Variants in E2F3 observed in about 807,000 individuals in gnomAD.
E2F3 encodes the protein transcription factor E2F3.
E2F3 carries 11 observed loss-of-function variants against 44.4 expected under a neutral mutation model. The ratio of observed to expected loss-of-function variants is 0.25; its 90% CI spans 0.16 to 0.41. E2F3 has a LOEUF of 0.41. E2F3 is among the 10% of genes least tolerant of loss of function. E2F3 has a pLI of 1.00. For synonymous variants in E2F3, 249 were observed against 253.0 expected (o/e 0.98, Z 0.15); for missense variants, 487 against 583.6 (o/e 0.83, Z 1.70).
intron 4 of E2F3, among the ~76,000 whole-genome samples, chr6:20,484,173 G>A (rs1009247098): frequency 6.6e-6 from 1 of 152,196 alleles, no homozygotes; most frequent in Non-Finnish European, 1.5e-5. Flanking sequence ...ACCTATATTA[G>A]CTCTCTCTGG....
chr6:20,481,072 C>G (rs1054471144), intron 2 of E2F3, 134 bp from the exon 3 acceptor site: 7 of 782,658 alleles, frequency 8.9e-6, no homozygotes, highest in Non-Finnish European at 1.4e-5. Context: ...ACACCAACAG[C>G]AACGACAGCC....
chr6:20,403,802 G>T, intron 1 of E2F3: 1 of 1,498,076 alleles, frequency 6.7e-7, no homozygotes, highest in African/African-American at 1.4e-5. Context: ...CCGGAGCCAG[G>T]CTGGTTTCGG....
At chr6:20,462,880 T>C (rs1761568810) in intron 1 of E2F3, among the ~76,000 whole-genome samples, 2 of 112,494 alleles carry the variant, frequency 1.8e-5, no homozygotes, top group East Asian at 2.5e-4. Context: ...TTTTTTTTTT[T>C]TTTTTTTTTT....
intron 1 of E2F3, among the ~76,000 whole-genome samples, chr6:20,431,385 GC>G (rs1364871157): frequency 6.6e-6 from 1 of 152,134 alleles, no homozygotes; most frequent in Non-Finnish European, 1.5e-5. Flanking sequence ...GCATCCCATG[GC>G]CCAGTGTCCC....
chr6:20,471,356 GT>G lies in E2F3; in HGVS notation c.394-8489del, dbSNP rs552326660. On this transcript the variant is annotated intron_variant, in intron 1 of 6. Transcript: ENST00000346618. ...CCAGCACTTTGGGAGGCCGAAGCGG[GT>G]GCATCACCTGAGGTCAGGAGTTCGA... 6.1e-4 allele frequency among the ~76,000 whole-genome samples: 93 copies of G among 152,292 alleles called. 2 individuals carry two copies. In the South Asian group the frequency reaches 0.014, roughly 23 times the overall value.
intron 1 of E2F3, among the ~76,000 whole-genome samples, chr6:20,470,677 A>AATCC (rs1561877744): frequency 1.3e-5 from 2 of 151,978 alleles, no homozygotes; most frequent in Admixed American, 6.6e-5. Context: ...ATCATCTATC[A>AATCC]AGTTCTATCC....
intron 6 of E2F3, among the ~76,000 whole-genome samples, chr6:20,489,931 C>G (rs1447305030): frequency 6.6e-6 from 1 of 152,150 alleles, no homozygotes; most frequent in African/African-American, 2.4e-5. Context: ...GATCACACCA[C>G]TGCACTCCAG....
intron 1 of E2F3, among the ~76,000 whole-genome samples, chr6:20,479,518 A>T (rs1268390077): frequency 1.3e-5 from 2 of 152,226 alleles, no homozygotes; most frequent in African/African-American, 4.8e-5. Context: ...GGCGCCTGTG[A>T]TATTCTTAGC....
At chr6:20,477,942 A>G (rs1762099946) in intron 1 of E2F3, among the ~76,000 whole-genome samples, 1 of 152,126 alleles carries the variant, frequency 6.6e-6, no homozygotes, top group South Asian at 2.1e-4. Context: ...CTGTAATCCC[A>G]GCACTTTGGG....
intron 2 of E2F3, among the ~76,000 whole-genome samples, chr6:20,480,398 CTCTT>C (rs1762183090): frequency 6.6e-6 from 1 of 152,198 alleles, no homozygotes; most frequent in African/African-American, 2.4e-5. Flanking sequence ...CAGGCTGTTT[CTCTT>C]TCTATCAAAT....
intron 1 of E2F3, among the ~76,000 whole-genome samples, chr6:20,405,079 G>A (rs1274520826): frequency 2.0e-5 from 3 of 152,164 alleles, no homozygotes; most frequent in Non-Finnish European, 2.9e-5. Context: ...AGGTCCCTAA[G>A]ACTATCTTTC....
intron 1 of E2F3, among the ~76,000 whole-genome samples, chr6:20,453,313 T>C (rs1464321871): frequency 6.6e-6 from 1 of 152,222 alleles, no homozygotes; most frequent in Non-Finnish European, 1.5e-5. Flanking sequence ...CATATTTTCT[T>C]GCAGAATTTC....
chr6:20,480,002 T>C, intron 2 of E2F3, 45 bp downstream of exon 2: 7 of 1,554,992 alleles, frequency 4.5e-6, no homozygotes, highest in Non-Finnish European at 6.1e-6. Context: ...TGGTATGGCA[T>C]TTCCAAGTTT....
At chr6:20,427,414 G>A (rs962699968) in intron 1 of E2F3, among the ~76,000 whole-genome samples, 6 of 152,184 alleles carry the variant, frequency 3.9e-5, no homozygotes, top group African/African-American at 1.4e-4. Flanking sequence ...TAGGGAAGAA[G>A]GGTCGGCCAG....
intron 1 of E2F3, among the ~76,000 whole-genome samples, chr6:20,477,802 A>T (rs968642855): frequency 1.1e-4 from 16 of 152,166 alleles, no homozygotes; most frequent in Non-Finnish European, 2.1e-4. Context: ...CATCCTCGTT[A>T]TCTTCACATT....
At chr6:20,482,599 AATATATATAT>A (rs148425868) in intron 3 of E2F3, among the ~76,000 whole-genome samples, 153 bp from the exon 4 acceptor site, 1 of 134,488 alleles carries the variant, frequency 7.4e-6, no homozygotes, top group Non-Finnish European at 1.6e-5. Context: ...TGAAAAAAAA[AATATATATAT>A]ATATATATAT....
At chr6:20,452,826 C>T (rs1320022171) in intron 1 of E2F3, among the ~76,000 whole-genome samples, 7 of 152,076 alleles carry the variant, frequency 4.6e-5, no homozygotes, top group African/African-American at 1.7e-4. Flanking sequence ...TGGTGGCACA[C>T]ACCTGTAGTC....
chr6:20,480,038 A>G, intron 2 of E2F3, 81 bp downstream of exon 2: 1 of 1,509,138 alleles, frequency 6.6e-7, no homozygotes, highest in Non-Finnish European at 8.9e-7. Context: ...GAAGGATGCC[A>G]AGGTGTGAAT....
intron 1 of E2F3, among the ~76,000 whole-genome samples, chr6:20,474,199 G>A (rs1761976919): frequency 6.6e-6 from 1 of 151,988 alleles, no homozygotes; most frequent in African/African-American, 2.4e-5. Context: ...AGTCTCCCAA[G>A]TACCTGGGAC....
Sources: allele counts gnomAD v4.1 joint callset (sites outside exome capture counted in the v4.1 genomes callset), GRCh38; gene constraint gnomAD v4.1.1; transcripts MANE v1.5; gene names NCBI Gene and HGNC (gene_info 2026-07-23, HGNC 2026-07-21).